TAF1A: variants seen among roughly 807,000 people sequenced by gnomAD.
The protein encoded by TAF1A is TATA-box binding protein associated factor, RNA polymerase I subunit A.
Under a neutral mutation model 61.6 loss-of-function variants are expected in TAF1A, and 42 were observed. The observed-to-expected ratio is 0.68, with a 90% CI of 0.53 to 0.88. The LOEUF is 0.88. Ranked by LOEUF, TAF1A falls within the 40% of genes least tolerant of loss-of-function variation. The pLI is 0.00. For synonymous variants in TAF1A, 179 were observed against 177.7 expected (o/e 1.01, Z -0.06); for missense variants, 424 against 518.7 (o/e 0.82, Z 1.77).
chr1:222,560,468 A>G (rs1018607206), intron 10 of TAF1A, among the ~76,000 whole-genome samples: 2 of 152,218 alleles, frequency 1.3e-5, no homozygotes, highest in African/African-American at 4.8e-5. Flanking sequence ...GTGAATTGGA[A>G]AATTAACCCA....
At chr1:222,563,882 G>A (rs1001199926) in intron 8 of TAF1A, among the ~76,000 whole-genome samples, 177 bp downstream of exon 8, 2 of 151,970 alleles carry the variant, frequency 1.3e-5, no homozygotes, top group Non-Finnish European at 2.9e-5. Context: ...ACAACTACAC[G>A]GCTCTGTCAC....
chr1:222,584,003 CA>C, intron 3 of TAF1A, 124 bp downstream of exon 3: 1 of 1,058,038 alleles, frequency 9.5e-7, no homozygotes, highest in Non-Finnish European at 1.4e-6. Flanking sequence ...ACTCTCCACT[CA>C]AAAGTAGTTT....
intron 2 of TAF1A, among the ~76,000 whole-genome samples, chr1:222,586,024 G>A (rs1457614704): frequency 6.6e-6 from 1 of 152,126 alleles, no homozygotes; most frequent in East Asian, 1.9e-4. Flanking sequence ...GAAAAAACTA[G>A]GGGATACAAA....
At chr1:222,570,416 CTTTCT>C in intron 6 of TAF1A, 114 bp downstream of exon 6, 1 of 1,100,380 alleles carries the variant, frequency 9.1e-7, no homozygotes, top group Non-Finnish European at 1.2e-6. Flanking sequence ...CGTATTTTTG[CTTTCT>C]TTTAAATAAT....
chr1:222,570,377 TAAAC>T (rs1186501048), intron 6 of TAF1A, among the ~76,000 whole-genome samples, 154 bp downstream of exon 6: 1 of 152,178 alleles, frequency 6.6e-6, no homozygotes, highest in Non-Finnish European at 1.5e-5. Context: ...GTGGTGAAAA[TAAAC>T]AAATTCAGAC....
chr1:222,588,295 GAA>G (rs934687836), intron 2 of TAF1A, 146 bp downstream of exon 2: 2 of 954,620 alleles, frequency 2.1e-6, no homozygotes, highest in Non-Finnish European at 3.1e-6. Flanking sequence ...AATTCTAAAA[GAA>G]AAAAGATTTC....
At chr1:222,555,405 T>C (rs895178563), downstream of TAF1A, among the ~76,000 whole-genome samples, 5 of 152,232 alleles carry the variant, frequency 3.3e-5, no homozygotes, top group Non-Finnish European at 5.9e-5. Flanking sequence ...GAAGAAATCC[T>C]GCCATTCAGA....
intron 3 of TAF1A, among the ~76,000 whole-genome samples, chr1:222,580,735 C>A (rs1325001356): frequency 6.7e-6 from 1 of 150,302 alleles, no homozygotes; most frequent in South Asian, 2.1e-4. Flanking sequence ...TCACCTACCA[C>A]CAGGGATGGG....
chr1:222,569,316 C>G, intron 7 of TAF1A, 194 bp downstream of exon 7: 1 of 1,511,458 alleles, frequency 6.6e-7, no homozygotes, highest in Admixed American at 2.0e-5. Context: ...TCAGTCTCAT[C>G]CGGGCAGCAG....
chr1:222,566,468 A>G (rs1397311498), intron 7 of TAF1A, among the ~76,000 whole-genome samples: 1 of 152,192 alleles, frequency 6.6e-6, no homozygotes, highest in Non-Finnish European at 1.5e-5. Flanking sequence ...TAATTATACA[A>G]CTCACCATAA....
chr1:222,576,096 T>G (rs916527696), intron 5 of TAF1A, among the ~76,000 whole-genome samples: 1 of 152,072 alleles, frequency 6.6e-6, no homozygotes, highest in Non-Finnish European at 1.5e-5. Context: ...ATGAAAAAAC[T>G]TAGCACAATT....
At chr1:222,565,835 C>T (rs1417355066) in intron 7 of TAF1A, among the ~76,000 whole-genome samples, 1 of 152,152 alleles carries the variant, frequency 6.6e-6, no homozygotes, top group Non-Finnish European at 1.5e-5. Flanking sequence ...CATTGCACTC[C>T]AGCTTGGGCA....
At chr1:222,570,856 CCTAACT>C (rs535492468) in intron 5 of TAF1A, among the ~76,000 whole-genome samples, 191 bp from the exon 6 acceptor site, 188 of 152,264 alleles carry the variant, frequency 1.2e-3, no homozygotes, top group African/African-American at 4.3e-3. Context: ...AAGAATACTT[CCTAACT>C]TATTCTAAGC....
At chr1:222,565,886 G>T (rs1660097582) in intron 7 of TAF1A, among the ~76,000 whole-genome samples, 1 of 152,070 alleles carries the variant, frequency 6.6e-6, no homozygotes, top group Non-Finnish European at 1.5e-5. Context: ...AACAGCAAAG[G>T]ATTGTTTAGT....
intron 6 of TAF1A, 24 bp downstream of exon 6, chr1:222,570,511 A>G: frequency 6.3e-7 from 1 of 1,586,030 alleles, no homozygotes; most frequent in Non-Finnish European, 8.6e-7. Flanking sequence ...TAAAACCAAT[A>G]AATTTAATGA....
Position 222,584,129 on chromosome 1 carries a change from T to G in TAF1A, c.290A>C (p.Glu97Ala). 6.2e-7 allele frequency: 1 copy of G among 1,608,150 alleles called. No individual in the cohort carries two copies. Among genetic ancestry groups the G allele is most frequent in the Non-Finnish European group, 8.5e-7 (1 of 1,178,508 alleles). The part of the protein sequence containing the change: ...SDSYKRQAAP[E>A]IIWKLGSEIL... ...CCAGCAAACTCAAATTTTATTTACC[T>G]CAGGTGCAGCCTGCCTTTTGTAGCT... The change falls in exon 3 of 11, where the codon GAG becomes GCG. Residue 97 changes from glutamate (E) to alanine (A), a missense_variant and splice_region_variant. By Grantham distance (107) the Glu-to-Ala change is moderately radical. Coordinates refer to ENST00000352967, the MANE Select transcript of TAF1A (RefSeq NM_005681.4).
At chr1:222,585,361 C>T (rs1479290993) in intron 2 of TAF1A, among the ~76,000 whole-genome samples, 1 of 150,868 alleles carries the variant, frequency 6.6e-6, no homozygotes, top group Non-Finnish European at 1.5e-5. Context: ...AAAAAAATAG[C>T]AGAATCAATG....
chr1:222,577,405 C>T (rs1660613531), intron 5 of TAF1A, 40 bp downstream of exon 5: 1 of 1,547,650 alleles, frequency 6.5e-7, no homozygotes, highest in African/African-American at 1.4e-5. Context: ...CTCTGCCCCT[C>T]AGTCTCATCA....
intron 9 of TAF1A, among the ~76,000 whole-genome samples, chr1:222,562,572 TATA>T (rs1435796436): frequency 6.6e-6 from 1 of 152,196 alleles, no homozygotes; most frequent in Non-Finnish European, 1.5e-5. Flanking sequence ...CTAAATTGGA[TATA>T]ATAAATATAT....
Sources: allele counts gnomAD v4.1 joint callset (sites outside exome capture counted in the v4.1 genomes callset), GRCh38; gene constraint gnomAD v4.1.1; transcripts MANE v1.5; gene names NCBI Gene and HGNC (gene_info 2026-07-23, HGNC 2026-07-21).